The following SLC16A9 variants were observed in gnomAD, a reference collection of about 807,000 sequenced individuals.
SLC16A9 encodes the protein solute carrier family 16 member 9.
Under a neutral mutation model 44.3 loss-of-function variants are expected in SLC16A9, and 26 were observed. The ratio of observed to expected loss-of-function variants is 0.59; its 90% confidence interval spans 0.43 to 0.81. The LOEUF (loss-of-function observed/expected upper bound fraction) is 0.81. Among genes scored for constraint, SLC16A9 ranks in the 40% least tolerant of loss-of-function variants. The pLI, the probability that SLC16A9 is intolerant of heterozygous loss-of-function variation, is 0.00. For synonymous variants in SLC16A9, 230 were observed against 225.1 expected (o/e 1.02, Z -0.19); for missense variants, 559 against 595.8 (o/e 0.94, Z 0.64).
chr10:59,681,711 TATGTATATG>T (rs879800751), intron 2 of SLC16A9, among the ~76,000 whole-genome samples: 2,261 of 34,030 alleles, frequency 0.066, 935 homozygotes, highest in East Asian at 0.27. Context: ...TGTATATGTA[TATGTATATG>T]ATGTATATGT....
intron 2 of SLC16A9, among the ~76,000 whole-genome samples, chr10:59,683,210 G>A (rs567623274): frequency 7.2e-5 from 11 of 152,258 alleles, no homozygotes; most frequent in South Asian, 6.2e-4. Flanking sequence ...AGAGAGCCCA[G>A]GGCTACTGAC....
At chr10:59,656,378 G>T (rs541396350) in intron 4 of SLC16A9, among the ~76,000 whole-genome samples, 8 of 152,146 alleles carry the variant, frequency 5.3e-5, no homozygotes, top group Non-Finnish European at 8.8e-5. Flanking sequence ...TGTTTTGAAA[G>T]TTCTATATTT....
At chr10:59,687,527 T>C (rs1840160216) in intron 1 of SLC16A9, among the ~76,000 whole-genome samples, 1 of 152,248 alleles carries the variant, frequency 6.6e-6, no homozygotes, top group Non-Finnish European at 1.5e-5. Context: ...CATCCATGAA[T>C]TATTGGATTA....
intron 2 of SLC16A9, among the ~76,000 whole-genome samples, chr10:59,682,171 A>T (rs918332221): frequency 4.6e-5 from 7 of 152,092 alleles, no homozygotes; most frequent in African/African-American, 1.7e-4. Context: ...TTTTGATAAG[A>T]TGCCCTAACT....
At chr10:59,653,447 C>CAAAAAAAAAAAAAAAA (rs1839263175) in intron 5 of SLC16A9, among the ~76,000 whole-genome samples, 1 of 27,426 alleles carries the variant, frequency 3.6e-5, no homozygotes, top group Non-Finnish European at 1.3e-4. Context: ...AAAAAAAAAG[C>CAAAAAAAAAAAAAAAA]AGGCATTTTG....
rs375727477 is a variant in SLC16A9 at position 59,653,895 on chromosome 10, A to G, written c.1131T>C (p.Ala377=). The change falls in exon 5 of 6, where the codon GCT becomes GCC. Residue 377 remains alanine (A), a synonymous_variant. Coordinates refer to ENST00000395348, the MANE Select transcript of SLC16A9 (RefSeq NM_194298.3). The part of the protein sequence containing the change: ...KWINTLYLYV[A]TLIIMGLALC... ...AGGCTAGGCCCATGATGATTAAGGT[A>G]GCAACATAAAGATACAAGGTATTAA... 1.2e-5 allele frequency: 20 copies of G among 1,614,112 alleles called. No homozygotes were observed. The African/African-American group carries it at 2.4e-4, about 19-fold the overall frequency.
intron 1 of SLC16A9, among the ~76,000 whole-genome samples, chr10:59,696,932 T>G (rs1588994877): frequency 7.9e-6 from 1 of 125,998 alleles, no homozygotes; most frequent in African/African-American, 3.0e-5. Flanking sequence ...GGGAGGGAGG[T>G]GGGGGGTCAG....
chr10:59,666,506 G>A (rs1392672971), intron 3 of SLC16A9, among the ~76,000 whole-genome samples: 1 of 152,016 alleles, frequency 6.6e-6, no homozygotes. Context: ...CATTTATGCT[G>A]ATGGTGCAAA....
intron 4 of SLC16A9, among the ~76,000 whole-genome samples, chr10:59,656,887 G>C (rs945444641): frequency 6.6e-6 from 1 of 152,158 alleles, no homozygotes; most frequent in African/African-American, 2.4e-5. Context: ...ATGCTTCCAT[G>C]CATGTTATAC....
In SLC16A9 at chr10:59,651,023, A is replaced by G. The variant is rs1428820073; in HGVS notation, c.*1749T>C. ...TTTTATGTCACTTATTTTATTTACTAACCTTGACAGGGACTAAAGAATGAG... is the reference window on the plus strand; with the variant it reads ...TTTTATGTCACTTATTTTATTTACTGACCTTGACAGGGACTAAAGAATGAG... On this transcript the variant is annotated 3_prime_UTR_variant, in exon 6 of 6. Coordinates refer to ENST00000395348, the MANE Select transcript of SLC16A9 (RefSeq NM_194298.3). 1 of 151,656 alleles carries G rather than the reference A, an allele frequency of 6.6e-6. No homozygotes were observed. The highest frequency in any genetic ancestry group is 6.6e-5 in the Admixed American group (1 of 15,226). 9.4% of individuals were successfully genotyped at this position (151,656 alleles called of 1,614,324 possible).
chr10:59,665,615 CTA>C lies in SLC16A9; in HGVS notation c.341-1295_341-1294del, dbSNP rs1235461360. ...GGATTAATTTATATAGTTGTCATTACTACACAGAGGACACTTCAAAACATGAA... is the reference window on the plus strand; with the variant it reads ...GGATTAATTTATATAGTTGTCATTACCACAGAGGACACTTCAAAACATGAA... On this transcript the variant is annotated intron_variant, in intron 3 of 5. Transcript: ENST00000395348. 5.9e-5 allele frequency among the ~76,000 whole-genome samples: 9 copies of C among 152,266 alleles called. No homozygotes were observed. In the East Asian group the frequency reaches 1.7e-3, roughly 29 times the overall value.
chr10:59,693,735 G>A (rs923393101), intron 1 of SLC16A9, among the ~76,000 whole-genome samples: 2 of 134,468 alleles, frequency 1.5e-5, no homozygotes, highest in East Asian at 2.4e-4. Flanking sequence ...TTCTCCTGCC[G>A]CAGCCTCCCA....
intron 4 of SLC16A9, among the ~76,000 whole-genome samples, chr10:59,661,446 T>G (rs1839473178): frequency 6.6e-6 from 1 of 152,226 alleles, no homozygotes; most frequent in East Asian, 1.9e-4. Flanking sequence ...ACAAGGCATG[T>G]GAAGGACCTC....
chr10:59,660,862 T>G (rs770687156), intron 4 of SLC16A9, among the ~76,000 whole-genome samples: 2 of 152,182 alleles, frequency 1.3e-5, no homozygotes, highest in Non-Finnish European at 2.9e-5. Flanking sequence ...TGCAAATCAA[T>G]AAATGTAATC....
intron 1 of SLC16A9, among the ~76,000 whole-genome samples, chr10:59,688,126 T>A (rs1324215442): frequency 1.3e-5 from 2 of 152,166 alleles, no homozygotes; most frequent in Admixed American, 6.5e-5. Flanking sequence ...CTATGCCAGG[T>A]TTACTGTCAG....
rs777494122 is a variant in SLC16A9, at chr10:59,664,305, A to C, written c.358T>G (p.Leu120Val). The C allele has an allele frequency of 6.8e-6, 11 of 1,610,860 alleles. No individual in the cohort carries two copies. In the Admixed American group the frequency reaches 1.8e-4, roughly 27 times the overall value. ...GTAATGGTCACTGTTGCAGTGTATA[A>C]TAAACCACATCCAAGACCTAAGCAT... ...GIVVGLGCGLLYTATVTITCQ... is the reference protein window; with the variant it reads ...GIVVGLGCGLVYTATVTITCQ... Residue 120 changes from leucine (L) to valine (V), a missense_variant, in exon 4 of 6, where the codon TTA (leucine) becomes GTA (valine). Leu to Val is a conservative substitution (Grantham distance 32, BLOSUM62 1). Transcript: ENST00000395348.
chr10:59,701,283 A>G (rs1840517478), intron 1 of SLC16A9, among the ~76,000 whole-genome samples: 1 of 152,200 alleles, frequency 6.6e-6, no homozygotes. Flanking sequence ...TGCCTGGACC[A>G]TCACAACTGC....
At chr10:59,684,801 A>AAAGT (rs1186605569) in intron 1 of SLC16A9, among the ~76,000 whole-genome samples, 2 of 152,212 alleles carry the variant, frequency 1.3e-5, no homozygotes, top group Admixed American at 1.3e-4. Flanking sequence ...GGGGATTTCT[A>AAAGT]AAGTTGGGAT....
At chr10:59,689,303 G>A (rs1378400668) in intron 1 of SLC16A9, among the ~76,000 whole-genome samples, 2 of 152,162 alleles carry the variant, frequency 1.3e-5, no homozygotes, top group African/African-American at 4.8e-5. Context: ...ATTCTGTACT[G>A]CGTAAGGTGA....
Sources: gnomAD v4.1 joint callset for allele counts (sites outside exome capture counted in the v4.1 genomes callset) on GRCh38, gnomAD v4.1.1 for gene constraint, MANE v1.5 for transcripts, NCBI Gene and HGNC (gene_info 2026-07-23, HGNC 2026-07-21) for gene names.